The following COL5A1 variants were observed in gnomAD, a reference collection of about 807,000 sequenced individuals.
COL5A1 encodes the protein collagen alpha-1(V) chain.
COL5A1 carries 16 observed loss-of-function variants against 263.7 expected under a neutral mutation model. The observed-to-expected ratio is 0.06, with a 90% CI of 0.04 to 0.09. The LOEUF is 0.09. Among genes scored for constraint, COL5A1 ranks in the 10% least tolerant of loss-of-function variants. The probability of loss-of-function intolerance (pLI) is 1.00; values close to 1 mark genes in which losing one functional copy is unlikely to be tolerated. For missense variants in COL5A1, 2,036 were observed against 2,540.5 expected (o/e 0.80, Z 4.27); for synonymous variants, 1,012 against 1,004.5 (o/e 1.01, Z -0.14).
At chr9:134,750,911 G>A (rs1835754333) in intron 13 of COL5A1, 29 bp downstream of exon 13, 4 of 1,589,378 alleles carry the variant, frequency 2.5e-6, no homozygotes, top group East Asian at 4.5e-5. Flanking sequence ...CAAGAGGCCT[G>A]AAGGGGACAG....
chr9:134,773,552 C>T (rs983499177), intron 26 of COL5A1, among the ~76,000 whole-genome samples: 1 of 152,220 alleles, frequency 6.6e-6, no homozygotes, highest in Non-Finnish European at 1.5e-5. Flanking sequence ...AGGGCAGAGG[C>T]CCACCTGCTC....
At chr9:134,778,389 C>G (rs916629434) in intron 27 of COL5A1, among the ~76,000 whole-genome samples, 1 of 152,248 alleles carries the variant, frequency 6.6e-6, no homozygotes, top group Non-Finnish European at 1.5e-5. Context: ...TGTTCTGAGC[C>G]TCCTCGCGGC....
intron 4 of COL5A1, among the ~76,000 whole-genome samples, chr9:134,722,644 A>C (rs1213888717): frequency 6.6e-6 from 1 of 152,230 alleles, no homozygotes; most frequent in East Asian, 1.9e-4. Flanking sequence ...ATATATTCAG[A>C]TGTCAAATTG....
At chr9:134,830,192 G>A (rs749760434) in intron 64 of COL5A1, 148 bp downstream of exon 64, 25 of 1,602,760 alleles carry the variant, frequency 1.6e-5, no homozygotes, top group African/African-American at 4.0e-5. Context: ...TGGCCACCTC[G>A]GCCCGGCCAC....
At chr9:134,702,433 G>A (rs4842144) in intron 4 of COL5A1, among the ~76,000 whole-genome samples, 85,130 of 151,556 alleles carry the variant, frequency 0.56, 24,257 homozygotes, top group Admixed American at 0.67. Context: ...TTCTGCATCC[G>A]GCTGCCCCCG....
intron 27 of COL5A1, 25 bp downstream of exon 27, chr9:134,774,937 G>C (rs745387278): frequency 3.1e-6 from 5 of 1,609,944 alleles, no homozygotes; most frequent in Non-Finnish European, 4.2e-6. Flanking sequence ...CGCCACTCCA[G>C]GTCGTCCTGG....
intron 31 of COL5A1, 115 bp downstream of exon 31, chr9:134,786,163 C>A: frequency 1.0e-6 from 1 of 1,003,136 alleles, no homozygotes; most frequent in Non-Finnish European, 1.5e-6. Flanking sequence ...GGATGTTCTG[C>A]CGATAACTTC....
At chr9:134,762,910 T>G (rs1364027895) in intron 19 of COL5A1, among the ~76,000 whole-genome samples, 1 of 152,156 alleles carries the variant, frequency 6.6e-6, no homozygotes, top group Non-Finnish European at 1.5e-5. Context: ...TGTGTGGCTG[T>G]GTGCATGTGT....
At chr9:134,709,277 G>C (rs912289742) in intron 4 of COL5A1, 1 of 307,630 alleles carries the variant, frequency 3.3e-6, no homozygotes, top group Non-Finnish European at 6.3e-6. Context: ...CTGAGGCTTC[G>C]GGGTGGGCTG....
In COL5A1 at chr9:134,701,255, C is replaced by T. The variant is rs1226994577; in HGVS notation, c.576C>T (p.Asp192=). The stretch of plus-strand genomic sequence containing the variant: ...AAAAGAAGACCACCAAATTCCTCGA[C>T]CGCAGCGACCACCCCATGATCGACA... The part of the protein sequence containing the change: ...DCKKKTTKFL[D]RSDHPMIDIN... Residue 192 remains aspartate (D), a synonymous_variant, in exon 4 of 66, where the codon GAC becomes GAT. Coordinates refer to ENST00000371817, the MANE Select transcript of COL5A1 (RefSeq NM_000093.5). 2 of 1,614,012 alleles carry T rather than the reference C, an allele frequency of 1.2e-6. No individual in the cohort carries two copies. The highest frequency in any genetic ancestry group is 2.2e-5 in the East Asian group (1 of 44,878).
Position 134,742,024 on chromosome 9 carries a change from C to G in COL5A1, c.1494+3216C>G, listed in dbSNP as rs1258294283. Among the ~76,000 whole-genome samples the G allele has an allele frequency of 6.6e-6, 1 of 152,184 alleles. No individual in the cohort carries two copies. The highest frequency in any genetic ancestry group is 1.5e-5 in the Non-Finnish European group (1 of 68,038). Reference sequence around the variant, plus strand: ...GCCGTGGCAATTGGCTGGGAGCCGTCTGTGCACCTGTGCCGTGGCATCCCA... The same window carrying G: ...GCCGTGGCAATTGGCTGGGAGCCGTGTGTGCACCTGTGCCGTGGCATCCCA... On this transcript the variant is annotated intron_variant, in intron 11 of 65. Transcript: ENST00000371817. This position sits in a 1 kb window ranked among gnomAD's most constrained non-coding sequence, Gnocchi z 4.6.
intron 27 of COL5A1, among the ~76,000 whole-genome samples, 181 bp from the exon 28 acceptor site, chr9:134,779,921 G>A (rs1402527800): frequency 6.6e-6 from 1 of 152,182 alleles, no homozygotes; most frequent in Admixed American, 6.5e-5. Context: ...CCCAGGAATT[G>A]TGGACACGCT....
At chr9:134,702,567 C>T (rs556704039) in intron 4 of COL5A1, among the ~76,000 whole-genome samples, 4 of 152,314 alleles carry the variant, frequency 2.6e-5, no homozygotes, top group Admixed American at 6.5e-5. Flanking sequence ...AGACATCACA[C>T]GTACTAGTTC....
chr9:134,784,873 G>A (rs889584911), intron 29 of COL5A1, 116 bp from the exon 30 acceptor site: 52 of 843,136 alleles, frequency 6.2e-5, no homozygotes, highest in Middle Eastern at 2.2e-4. Context: ...TGGTGGAGCA[G>A]CTCTGACCAC....
chr9:134,781,404 G>A (rs1212980423), intron 28 of COL5A1, among the ~76,000 whole-genome samples: 5 of 152,250 alleles, frequency 3.3e-5, no homozygotes, highest in African/African-American at 1.2e-4. Flanking sequence ...GAGCCCGTCG[G>A]GGCTTCGGAA....
In COL5A1 at chr9:134,780,104, G is replaced by T. The variant is rs1432407799; in HGVS notation, c.2388G>T (p.Gly796=). The T allele has an allele frequency of 1.2e-6, 2 of 1,613,328 alleles. No individual in the cohort carries two copies. Among genetic ancestry groups the T allele is most frequent in the Non-Finnish European group, 1.7e-6 (2 of 1,180,038 alleles). The change falls in exon 28 of 66, where the codon GGG becomes GGT. Residue 796 remains glycine (G), a splice_region_variant and synonymous_variant. Transcript: ENST00000371817. ...TTTTTCTTTTCCCACCCGCACAGGG[G>T]GCCGATGGCATCCGTGGTCTGAAGG... The part of the protein sequence containing the change: ...IGYPGPRGVK[G]ADGIRGLKGT...
chr9:134,814,382 A>T (rs940777516), intron 49 of COL5A1, among the ~76,000 whole-genome samples: 77 of 152,140 alleles, frequency 5.1e-4, no homozygotes, highest in Non-Finnish European at 1.3e-4. Context: ...GGCCAGATGA[A>T]TGTTCACTAT....
At chr9:134,778,322 C>CCA (rs1483824690) in intron 27 of COL5A1, among the ~76,000 whole-genome samples, 1 of 152,226 alleles carries the variant, frequency 6.6e-6, no homozygotes, top group Non-Finnish European at 1.5e-5. Context: ...CTGCCCGGGC[C>CCA]CACAGGTGCT....
At chr9:134,739,983 A>G (rs1046300389) in intron 11 of COL5A1, among the ~76,000 whole-genome samples, 3 of 152,162 alleles carry the variant, frequency 2.0e-5, no homozygotes, top group Admixed American at 6.5e-5. Flanking sequence ...CTCTGAGGGC[A>G]GTACGCATCA....
Sources: gnomAD v4.1 joint callset for allele counts (sites outside exome capture counted in the v4.1 genomes callset) on GRCh38, gnomAD v4.1.1 for gene constraint, Gnocchi (gnomAD v3.1) non-coding constraint, MANE v1.5 for transcripts, NCBI Gene and HGNC (gene_info 2026-07-23, HGNC 2026-07-21) for gene names.